The following DUOXA2 variants were observed in gnomAD, a reference collection of about 807,000 sequenced individuals.
The protein encoded by DUOXA2 is dual oxidase maturation factor 2.
DUOXA2 carries 22 observed loss-of-function variants against 27.6 expected under a neutral mutation model. That is an observed-to-expected ratio of 0.80 (90% CI 0.57 to 1.14). The LOEUF (loss-of-function observed/expected upper bound fraction) is 1.14. Among genes scored for constraint, DUOXA2 ranks in the 50% most tolerant of loss-of-function variants. DUOXA2 has a pLI of 0.00. For missense variants in DUOXA2, 481 were observed against 419.9 expected (o/e 1.15, Z -1.27); for synonymous variants, 188 against 184.4 (o/e 1.02, Z -0.16).
Position 45,114,368 on chromosome 15 carries a change from T to A in DUOXA2, c.-238T>A. ...CCAGGAAAGTAACGGCTACAGACAG[T>A]GAGAAATAGTTTCGCTCGCCGGCTA... On this transcript the variant is annotated 5_prime_UTR_variant, in exon 1 of 6. Transcript: ENST00000323030. 1 of 585,480 alleles carries A rather than the reference T, an allele frequency of 1.7e-6. No individual in the cohort carries two copies. The highest frequency in any genetic ancestry group is 3.0e-6 in the Non-Finnish European group (1 of 329,684). The allele number at this position is 585,480 out of a possible 1,614,324, so 36.3% of individuals were successfully genotyped here. A position where few individuals can be genotyped will look rare whatever the true frequency, so the allele number is the denominator to read the frequency against.
At position 45,116,595 on chromosome 15, in the gene DUOXA2, G is replaced by C; in HGVS notation, c.420G>C (p.Ala140=). 6.2e-7 allele frequency: 1 copy of C among 1,614,028 alleles called. No individual in the cohort carries two copies. The highest frequency in any genetic ancestry group is 8.5e-7 in the Non-Finnish European group (1 of 1,180,048). ...GGCGTCTGAAAGAGAATTACGCCGC[G>C]GAGTACGCGAACGCACTGGAGAAGG... The part of the protein sequence containing the change: ...FTWRLKENYA[A]EYANALEKGL... The change falls in exon 4 of 6, where the codon GCG becomes GCC. Residue 140 remains alanine, a synonymous_variant. Coordinates refer to ENST00000323030, the MANE Select transcript of DUOXA2 (RefSeq NM_207581.4).
chr15:45,115,514 G>A (rs780942730), intron 1 of DUOXA2: 1 of 611,500 alleles, frequency 1.6e-6, no homozygotes, highest in Non-Finnish European at 3.1e-6. Context: ...AGGACCAGGC[G>A]CCAGACAGCT....
In DUOXA2 at chr15:45,118,143, C is replaced by A; in HGVS notation, c.*234C>A. On this transcript the variant is annotated 3_prime_UTR_variant, in exon 6 of 6. Transcript: ENST00000323030. ...ATTAATTTTCATGGCTTCTCCGCGC[C>A]GGGGTCGCACGTCCTCATGAGCTTC... 6.9e-7 allele frequency: 1 copy of A among 1,438,874 alleles called. No individual in the cohort carries two copies. Among genetic ancestry groups the A allele is most frequent in the South Asian group, 1.5e-5 (1 of 67,390 alleles). The allele number at this position is 1,438,874 out of a possible 1,614,324, so 89.1% of individuals were successfully genotyped here. A position where few individuals can be genotyped will look rare whatever the true frequency, so the allele number is the denominator to read the frequency against.
chr15:45,116,999 C>T (rs1390553952), intron 4 of DUOXA2, 92 bp from the exon 5 acceptor site: 1 of 1,442,050 alleles, frequency 6.9e-7, no homozygotes, highest in African/African-American at 1.4e-5. Flanking sequence ...CTGGCTTTGA[C>T]GCTGGGGTAG....
In DUOXA2 at chr15:45,116,608, G is replaced by A. The variant is rs371428294; in HGVS notation, c.433G>A (p.Ala145Thr). The A allele has an allele frequency of 2.5e-6, 4 of 1,614,036 alleles. No individual in the cohort carries two copies. Among genetic ancestry groups the A allele is most frequent in the South Asian group, 2.2e-5 (2 of 91,088 alleles). The change falls in exon 4 of 6, where the codon GCA becomes ACA. Residue 145 changes from alanine to threonine, a missense_variant. Physicochemically the swap from Ala to Thr is moderately conservative, Grantham distance 58 (BLOSUM62 0). Coordinates refer to ENST00000323030, the MANE Select transcript of DUOXA2 (RefSeq NM_207581.4). ...KENYAAEYAN[A>T]LEKGLPDPVL... ...GAATTACGCCGCGGAGTACGCGAACGCACTGGAGAAGGGGCTGCCGGACCC... is the reference window on the plus strand; with the variant it reads ...GAATTACGCCGCGGAGTACGCGAACACACTGGAGAAGGGGCTGCCGGACCC...
rs1181398101 is a variant in DUOXA2, at chr15:45,115,860, A to G, written c.205+4A>G. On this transcript the variant is annotated splice_donor_region_variant and intron_variant, in intron 2 of 5. Coordinates refer to ENST00000323030, the MANE Select transcript of DUOXA2 (RefSeq NM_207581.4). ...TTCATAGGCGCAGAAATTGTGGGTGAGTGTGTGGTGCAGCCCATGGGGAGA... is the reference window on the plus strand; with the variant it reads ...TTCATAGGCGCAGAAATTGTGGGTGGGTGTGTGGTGCAGCCCATGGGGAGA... The G allele has an allele frequency of 5.6e-6, 9 of 1,613,684 alleles. No individual in the cohort carries two copies. Among genetic ancestry groups the G allele is most frequent in the Non-Finnish European group, 7.6e-6 (9 of 1,179,950 alleles).
chr15:45,116,677 G>T lies in DUOXA2; in HGVS notation c.502G>T (p.Gly168Cys). 2 of 1,613,752 alleles carry T rather than the reference G, an allele frequency of 1.2e-6. No individual in the cohort carries two copies. Among genetic ancestry groups the T allele is most frequent in the Non-Finnish European group, 1.7e-6 (2 of 1,180,048 alleles). The change falls in exon 4 of 6, where the codon GGC (glycine) becomes TGC (cysteine). Residue 168 changes from glycine (G) to cysteine (C), a missense_variant. By Grantham distance (159) the Gly-to-Cys change is radical (BLOSUM62 -3). Coordinates refer to ENST00000323030, the MANE Select transcript of DUOXA2 (RefSeq NM_207581.4). ...AEKFTPSSPC[G>C]LYHQYHLAGH... ...GAAGTTCACACCGAGTAGCCCTTGC[G>T]GCCTGTACCACCAGTACCACCTGGC... is the stretch of plus-strand genomic sequence containing the variant.
Position 45,117,791 on chromosome 15 carries a change from T to G in DUOXA2, c.845T>G (p.Leu282Arg), listed in dbSNP as rs769363509. The stretch of plus-strand genomic sequence containing the variant: ...CGGCCCAGCGCTCTTCGCACCCTTC[T>G]GGACCAAAGCGCCAAGGACTGCAGC... ...YVRPSALRTL[L>R]DQSAKDCSQE... Residue 282 changes from leucine to arginine, a missense_variant, in exon 6 of 6, where the codon CTG (leucine) becomes CGG (arginine). Coordinates refer to ENST00000323030, the MANE Select transcript of DUOXA2 (RefSeq NM_207581.4). 1 of 1,614,008 alleles carries G rather than the reference T, an allele frequency of 6.2e-7. No homozygotes were observed. The highest frequency in any genetic ancestry group is 1.1e-5 in the South Asian group (1 of 91,084).
At chr15:45,116,084 C>G in intron 2 of DUOXA2, 40 bp from the exon 3 acceptor site, 1 of 1,610,722 alleles carries the variant, frequency 6.2e-7, no homozygotes. Context: ...TTCCATTTTC[C>G]CACCCTCATC....
At position 45,114,564 on chromosome 15, in the gene DUOXA2, C is replaced by G. The variant is rs773644533; in HGVS notation, c.-42C>G. On this transcript the variant is annotated 5_prime_UTR_variant, in exon 1 of 6. Coordinates refer to ENST00000323030, the MANE Select transcript of DUOXA2 (RefSeq NM_207581.4). ...CGTCCAGGCAGCCCCAGCTTGCTGG[C>G]TTGCCTGCCCGCCTGCGTGCAGCAC... 1.2e-6 allele frequency: 2 copies of G among 1,610,940 alleles called. No individual in the cohort carries two copies. The highest frequency in any genetic ancestry group is 1.7e-6 in the Non-Finnish European group (2 of 1,179,320).
chr15:45,115,945 G>C, intron 2 of DUOXA2, 89 bp downstream of exon 2: 1 of 1,603,442 alleles, frequency 6.2e-7, no homozygotes, highest in Non-Finnish European at 8.5e-7. Flanking sequence ...ACTGGGGTTG[G>C]TTTTCTGCTC....
At chr15:45,115,326 T>A in intron 1 of DUOXA2, 1 of 405,058 alleles carries the variant, frequency 2.5e-6, no homozygotes, top group Non-Finnish European at 5.0e-6. Context: ...CTTTTCTGCA[T>A]CTTAATCTGT....
chr15:45,117,076 C>T lies in DUOXA2; in HGVS notation c.555-15C>T. The T allele has an allele frequency of 6.3e-7, 1 of 1,597,446 alleles. No homozygotes were observed. Among genetic ancestry groups the T allele is most frequent in the Non-Finnish European group, 8.5e-7 (1 of 1,179,504 alleles). ...GAGAAGCCCGCTCACAGCGGGTCCCCCCACTCCCCGGCAGGGTGGCGTTCT... is the reference window on the plus strand; with the variant it reads ...GAGAAGCCCGCTCACAGCGGGTCCCTCCACTCCCCGGCAGGGTGGCGTTCT... On this transcript the variant is annotated splice_polypyrimidine_tract_variant and intron_variant, in intron 4 of 5. Coordinates refer to ENST00000323030, the MANE Select transcript of DUOXA2 (RefSeq NM_207581.4).
chr15:45,116,371 G>T, intron 3 of DUOXA2, 113 bp downstream of exon 3: 1 of 1,573,600 alleles, frequency 6.4e-7, no homozygotes. Flanking sequence ...ATAGCTTGTG[G>T]TCCTCGTGGA....
intron 5 of DUOXA2, 139 bp downstream of exon 5, chr15:45,117,444 G>C: frequency 6.5e-7 from 1 of 1,539,998 alleles, no homozygotes; most frequent in African/African-American, 1.4e-5. Flanking sequence ...AACAGGCACT[G>C]TTATGACCAT....
Position 45,117,274 on chromosome 15 carries a change from C to T in DUOXA2, c.738C>T (p.Tyr246=), listed in dbSNP as rs4774518. ...RLGSSALTTQ[Y]GAAFWVTLAT... ...GCTCCTCCGCGCTCACCACTCAGTA[C>T]GGCGCCGCCTTCTGGGTCACGCTGG... Residue 246 remains tyrosine, a synonymous_variant, in exon 5 of 6, where the codon TAC becomes TAT. Transcript: ENST00000323030. The T allele has an allele frequency of 0.011, 18,066 of 1,603,938 alleles. 223 individuals are homozygous for T. Among genetic ancestry groups the T allele is most frequent in the East Asian group, 0.061 (2,726 of 44,644 alleles).
In DUOXA2 at chr15:45,114,375, T is replaced by C. The variant is rs186991966; in HGVS notation, c.-231T>C. The C allele has an allele frequency of 4.3e-4, 255 of 596,288 alleles. 1 individual carries two copies. The Admixed American group carries it at 6.7e-3, about 16-fold the overall frequency. 36.9% of individuals were successfully genotyped at this position (596,288 alleles called of 1,614,324 possible). On this transcript the variant is annotated 5_prime_UTR_variant, in exon 1 of 6. Transcript: ENST00000323030. The stretch of plus-strand genomic sequence containing the variant: ...AGTAACGGCTACAGACAGTGAGAAA[T>C]AGTTTCGCTCGCCGGCTAGAAAAAC...
chr15:45,115,984 G>A (rs1894611005), intron 2 of DUOXA2, 128 bp downstream of exon 2: 1 of 1,590,100 alleles, frequency 6.3e-7, no homozygotes, highest in Non-Finnish European at 8.6e-7. Context: ...CTCCTTCTAG[G>A]GCCCACTTTT....
intron 1 of DUOXA2, 38 bp from the exon 2 acceptor site, chr15:45,115,761 G>T (rs1319076681): frequency 1.2e-6 from 2 of 1,613,846 alleles, no homozygotes; most frequent in Admixed American, 3.3e-5. Context: ...CTCTGGTTTG[G>T]CAGGGCTCAG....
Sources: allele counts gnomAD v4.1 joint callset, GRCh38; gene constraint gnomAD v4.1.1; transcripts MANE v1.5; gene names NCBI Gene and HGNC (gene_info 2026-07-23, HGNC 2026-07-21).